Variants in VPS13B observed in about 807,000 individuals in gnomAD.
The protein encoded by VPS13B is intermembrane lipid transfer protein VPS13B.
VPS13B carries 285 observed loss-of-function variants against 426.4 expected under a neutral mutation model. That is an observed-to-expected ratio of 0.67 (90% CI 0.61 to 0.74). The LOEUF (loss-of-function observed/expected upper bound fraction) is 0.74. Ranked by LOEUF, VPS13B falls within the 30% of genes least tolerant of loss-of-function variation. The pLI, the probability that VPS13B is intolerant of heterozygous loss-of-function variation, is 0.00. For synonymous variants in VPS13B, 1,676 were observed against 1,676.4 expected, an observed-to-expected ratio of 1.00 and a Z score of 0.01; for missense variants, 4,537 against 4,782.6, an observed-to-expected ratio of 0.95 and a Z score of 1.51.
intron 33 of VPS13B, among the ~76,000 whole-genome samples, chr8:99,627,067 T>C (rs1828644954): frequency 6.6e-6 from 1 of 152,078 alleles, no homozygotes; most frequent in Non-Finnish European, 1.5e-5. Context: ...AAAGTTGAAC[T>C]CACAGAAGTA....
chr8:99,363,852 A>G (rs1013746418), intron 19 of VPS13B, among the ~76,000 whole-genome samples: 1 of 152,148 alleles, frequency 6.6e-6, no homozygotes, highest in Non-Finnish European at 1.5e-5. Context: ...ATCAGTTCTA[A>G]TAGTTTTTTT....
At chr8:99,866,368 G>A (rs1221214011) in intron 58 of VPS13B, among the ~76,000 whole-genome samples, 1 of 152,196 alleles carries the variant, frequency 6.6e-6, no homozygotes, top group Non-Finnish European at 1.5e-5. Context: ...GAGCACAGAG[G>A]TAGATAAGGC....
In VPS13B at chr8:99,360,174, CTTTCTTTCTTTCTT is replaced by C. The variant is rs1226664036; in HGVS notation, c.2825-24032_2825-24019del. On this transcript the variant is annotated intron_variant, in intron 19 of 61. Transcript: ENST00000357162. ...TCTTTCTTTCTTTCTTTCTTTCTTTCTTTCTTTCTTTCTTTCTCTCTCTCTCTCTCTCTCTCTTT... is the reference window on the plus strand; with the variant it reads ...TCTTTCTTTCTTTCTTTCTTTCTTTCTCTCTCTCTCTCTCTCTCTCTCTTT... Among the ~76,000 whole-genome samples the C allele has an allele frequency of 3.0e-3, 113 of 37,056 alleles. 1 individual carries two copies. The highest frequency in any genetic ancestry group is 0.013 in the South Asian group (9 of 702). 24.3% of individuals were successfully genotyped at this position (37,056 alleles called of 152,430 possible).
intron 16 of VPS13B, among the ~76,000 whole-genome samples, chr8:99,170,986 C>T (rs1214612669): frequency 6.6e-6 from 1 of 151,478 alleles, no homozygotes; most frequent in Admixed American, 6.6e-5. Context: ...TAAAATACTT[C>T]AGTTGCTAAA....
intron 24 of VPS13B, among the ~76,000 whole-genome samples, chr8:99,476,943 A>C (rs1243147819): frequency 6.6e-6 from 1 of 152,150 alleles, no homozygotes; most frequent in East Asian, 1.9e-4. Context: ...TTTTCTAATT[A>C]CTAATAAGAT....
intron 21 of VPS13B, among the ~76,000 whole-genome samples, chr8:99,408,509 A>G (rs556653984): frequency 2.0e-5 from 3 of 152,152 alleles, no homozygotes; most frequent in Non-Finnish European, 2.9e-5. Flanking sequence ...TATTTATTGA[A>G]ACTTGGAGGA....
intron 19 of VPS13B, among the ~76,000 whole-genome samples, chr8:99,366,211 T>C (rs1812878295): frequency 6.6e-6 from 1 of 152,170 alleles, no homozygotes; most frequent in Non-Finnish European, 1.5e-5. Context: ...CTCTACCTTT[T>C]ATTGTGTTGG....
intron 55 of VPS13B, 63 bp from the exon 56 acceptor site, chr8:99,853,388 A>C: frequency 6.4e-7 from 1 of 1,566,702 alleles, no homozygotes; most frequent in South Asian, 1.1e-5. Flanking sequence ...TCAATAAAAA[A>C]GAAAGAAGAG....
intron 2 of VPS13B, among the ~76,000 whole-genome samples, chr8:99,018,142 T>C (rs1020539763): frequency 2.0e-5 from 3 of 152,110 alleles, no homozygotes; most frequent in Admixed American, 6.5e-5. Context: ...TCACAGCACT[T>C]TGGGAGGCCA....
chr8:99,510,596 G>A (rs1006250450), intron 28 of VPS13B, among the ~76,000 whole-genome samples: 11 of 152,118 alleles, frequency 7.2e-5, no homozygotes, highest in South Asian at 2.1e-4. Context: ...TCTGCCTCCC[G>A]GGTTGAAGCG....
At chr8:99,098,040 A>C (rs1489314963) in intron 4 of VPS13B, among the ~76,000 whole-genome samples, 1 of 152,198 alleles carries the variant, frequency 6.6e-6, no homozygotes, top group East Asian at 1.9e-4. Flanking sequence ...CATCACTATC[A>C]TGTATCTTTC....
chr8:99,821,424 A>C lies in VPS13B; in HGVS notation c.9125A>C (p.Asp3042Ala). The stretch of plus-strand genomic sequence containing the variant: ...GGTAATGGTGAAGTTGTGACACTGG[A>C]TGAAGAAGCGTTTGTTGATACTGAA... ...DGGNGEVVTL[D>A]EEAFVDTEIR... The change falls in exon 50 of 62, where the codon GAT becomes GCT. Residue 3042 changes from aspartate to alanine, a missense_variant. Physicochemically the swap from Asp to Ala is moderately radical, Grantham distance 126 (BLOSUM62 -2). This residue lies in a region of VPS13B where 4,311 missense variants were observed against 4,474.3 expected (regional missense o/e 0.96). Coordinates refer to ENST00000357162, the MANE Select transcript of VPS13B (RefSeq NM_152564.5). The C allele has an allele frequency of 6.2e-7, 1 of 1,613,864 alleles. No homozygotes were observed. The highest frequency in any genetic ancestry group is 8.5e-7 in the Non-Finnish European group (1 of 1,179,820).
At chr8:99,250,468 T>C (rs1342422634) in intron 17 of VPS13B, among the ~76,000 whole-genome samples, 2 of 152,112 alleles carry the variant, frequency 1.3e-5, no homozygotes, top group African/African-American at 4.8e-5. Flanking sequence ...TATGCTTTTT[T>C]CTGACTTAAT....
intron 43 of VPS13B, among the ~76,000 whole-genome samples, chr8:99,798,727 G>A (rs1446417751): frequency 6.6e-6 from 1 of 152,112 alleles, no homozygotes; most frequent in Non-Finnish European, 1.5e-5. Context: ...TAGCTTTGGA[G>A]AAAAATATAC....
intron 29 of VPS13B, among the ~76,000 whole-genome samples, chr8:99,519,636 G>T (rs1822266110): frequency 6.6e-6 from 1 of 152,094 alleles, no homozygotes; most frequent in African/African-American, 2.4e-5. Flanking sequence ...AAAATGATGA[G>T]TTCACGTCCT....
chr8:99,076,328 T>C (rs1043422431), intron 3 of VPS13B, among the ~76,000 whole-genome samples: 7 of 152,202 alleles, frequency 4.6e-5, no homozygotes, highest in Non-Finnish European at 1.0e-4. Flanking sequence ...AATGTGTATT[T>C]TACAGCTGTT....
chr8:99,839,395 C>T (rs1431865600), intron 54 of VPS13B, among the ~76,000 whole-genome samples: 2 of 152,138 alleles, frequency 1.3e-5, no homozygotes, highest in African/African-American at 2.4e-5. Context: ...CTATCAGGTG[C>T]CAAACCCTTT....
rs1254928021 is a variant in VPS13B at position 99,289,097 on chromosome 8, AAAAG to A, written c.2824+13856_2824+13859del. Among the ~76,000 whole-genome samples the A allele has an allele frequency of 6.0e-4, 92 of 152,102 alleles. 1 individual carries two copies. Among genetic ancestry groups the A allele is most frequent in the African/African-American group, 2.0e-3 (84 of 41,522 alleles). ...AAGGAAGGAAGGAAAGAAAGAAAGA[AAAAG>A]AAAGAAAGAAAGGGAAATCAGGGTC... is the stretch of plus-strand genomic sequence containing the variant. On this transcript the variant is annotated intron_variant, in intron 19 of 61. Transcript: ENST00000357162.
At chr8:99,731,291 T>C (rs1833589770) in intron 39 of VPS13B, among the ~76,000 whole-genome samples, 1 of 152,214 alleles carries the variant, frequency 6.6e-6, no homozygotes, top group African/African-American at 2.4e-5. Context: ...ATCCCTTCTA[T>C]CTTCCCTCTA....
Sources: gnomAD v4.1 joint callset for allele counts (sites outside exome capture counted in the v4.1 genomes callset) on GRCh38, gnomAD v4.1.1 for gene constraint, gnomAD v4.1.1 regional missense constraint, MANE v1.5 for transcripts, NCBI Gene and HGNC (gene_info 2026-07-23, HGNC 2026-07-21) for gene names.